The following RIMS2 variants were observed in gnomAD, a reference collection of about 807,000 sequenced individuals.
The protein encoded by RIMS2 is regulating synaptic membrane exocytosis 2, also known as regulating synaptic membrane exocytosis protein 2.
Under a neutral mutation model 174.4 loss-of-function variants are expected in RIMS2, and 59 were observed. The ratio of observed to expected loss-of-function variants is 0.34; its 90% CI spans 0.27 to 0.42. The LOEUF (loss-of-function observed/expected upper bound fraction) is 0.42, where lower values mean the gene tolerates loss of function less well. Ranked by LOEUF, RIMS2 falls within the 10% of genes least tolerant of loss-of-function variation. The pLI, the probability that RIMS2 is intolerant of heterozygous loss-of-function variation, is 1.00. For missense variants in RIMS2, 1,620 were observed against 1,666.3 expected (o/e 0.97, Z 0.48); for synonymous variants, 606 against 572.5 (o/e 1.06, Z -0.84).
intron 19 of RIMS2, among the ~76,000 whole-genome samples, chr8:104,120,939 A>T (rs1013839793): frequency 3.9e-5 from 6 of 152,112 alleles, no homozygotes; most frequent in African/African-American, 1.4e-4. Flanking sequence ...CCTTGGCAGT[A>T]TTTTACAAGA....
exon 1 of RIMS2, chr8:103,500,886 C>G: frequency 6.3e-7 from 1 of 1,590,226 alleles, no homozygotes; most frequent in Non-Finnish European, 8.5e-7. Context: ...CTCCACCAAA[C>G]ATGTCGGCTC....
intron 4 of RIMS2, among the ~76,000 whole-genome samples, chr8:103,907,725 T>TTTTTA (rs1404846162): frequency 1.3e-5 from 2 of 151,798 alleles, no homozygotes; most frequent in African/African-American, 4.8e-5. Context: ...TTTTTTGTTT[T>TTTTTA]TTTTATTTTA....
At chr8:103,554,207 A>T (rs1013231984) in intron 1 of RIMS2, among the ~76,000 whole-genome samples, 19 of 152,156 alleles carry the variant, frequency 1.2e-4, no homozygotes, top group Non-Finnish European at 5.9e-5. Context: ...ATGGAATCTA[A>T]AGTACTTCTG....
At chr8:103,895,911 C>T (rs986424760) in intron 4 of RIMS2, among the ~76,000 whole-genome samples, 2 of 151,506 alleles carry the variant, frequency 1.3e-5, no homozygotes, top group African/African-American at 4.9e-5. Flanking sequence ...AGAAGTTGTG[C>T]TCAAATATCT....
chr8:103,891,121 C>T (rs2099242507), intron 4 of RIMS2, among the ~76,000 whole-genome samples: 1 of 152,040 alleles, frequency 6.6e-6, no homozygotes, highest in African/African-American at 2.4e-5. Context: ...CTCCTCCCCA[C>T]TTCACTTTCA....
chr8:104,104,305 T>G (rs935287569), intron 19 of RIMS2, among the ~76,000 whole-genome samples: 2 of 152,168 alleles, frequency 1.3e-5, no homozygotes, highest in South Asian at 2.1e-4. Context: ...ACAAACAGTT[T>G]CAAGAGACAC....
At chr8:104,223,174 A>C (rs2099163487) in intron 19 of RIMS2, among the ~76,000 whole-genome samples, 2 of 152,184 alleles carry the variant, frequency 1.3e-5, no homozygotes, top group Admixed American at 6.5e-5. Flanking sequence ...GGAAGAGGAA[A>C]CAGCAGGAGC....
chr8:103,506,181 G>T (rs1823513776), intron 1 of RIMS2, among the ~76,000 whole-genome samples: 1 of 151,898 alleles, frequency 6.6e-6, no homozygotes, highest in African/African-American at 2.4e-5. Flanking sequence ...CTAAAAAATT[G>T]ATTGACATTT....
intron 14 of RIMS2, among the ~76,000 whole-genome samples, chr8:103,947,172 A>G (rs2084004173): frequency 6.6e-6 from 1 of 152,228 alleles, no homozygotes; most frequent in African/African-American, 2.4e-5. Flanking sequence ...TAGGAGAAAA[A>G]TCTTCATTCC....
At chr8:103,675,873 T>C (rs2096803114) in intron 1 of RIMS2, among the ~76,000 whole-genome samples, 1 of 152,200 alleles carries the variant, frequency 6.6e-6, no homozygotes. Flanking sequence ...TTTTCTTTTC[T>C]CTATTTACTC....
intron 1 of RIMS2, among the ~76,000 whole-genome samples, chr8:103,688,033 G>A (rs1481834590): frequency 1.3e-5 from 2 of 152,084 alleles, no homozygotes; most frequent in East Asian, 1.9e-4. Context: ...ATAAGATCAT[G>A]TTGTCCACAA....
At chr8:103,563,748 C>A (rs1218818255) in intron 1 of RIMS2, among the ~76,000 whole-genome samples, 2 of 152,050 alleles carry the variant, frequency 1.3e-5, no homozygotes, top group African/African-American at 4.8e-5. Flanking sequence ...CAAGACTAGG[C>A]AATATACAAA....
chr8:104,184,231 T>C (rs1382535434), intron 19 of RIMS2, among the ~76,000 whole-genome samples: 1 of 151,640 alleles, frequency 6.6e-6, no homozygotes, highest in African/African-American at 2.4e-5. Context: ...ATGTAAGACA[T>C]AGTATTTCTG....
intron 12 of RIMS2, among the ~76,000 whole-genome samples, chr8:103,932,972 C>T (rs1179946737): frequency 1.3e-5 from 2 of 151,096 alleles, no homozygotes; most frequent in Non-Finnish European, 2.9e-5. Flanking sequence ...GTCTGGCCAA[C>T]ATGGTGAAAC....
intron 23 of RIMS2, 112 bp downstream of exon 29, chr8:104,251,275 C>G: frequency 1.0e-6 from 1 of 978,800 alleles, no homozygotes; most frequent in Non-Finnish European, 1.5e-6. Flanking sequence ...AAAGGAAATT[C>G]TTTGGAAACT....
chr8:103,818,058 AC>A lies in RIMS2; in HGVS notation c.698+51524del, dbSNP rs2098728994. Among the ~76,000 whole-genome samples the A allele has an allele frequency of 5.3e-5, 8 of 152,006 alleles. No homozygotes were observed. The South Asian group carries it at 1.7e-3, about 32-fold the overall frequency. On this transcript the variant is annotated intron_variant, in intron 3 of 23. Transcript: ENST00000504942. ...TGGGGGCACTCTTAGTTGAGAAGAA[AC>A]CCATAATTGAACATCTTATTTTAAA...
chr8:103,624,485 A>G (rs549554557), intron 1 of RIMS2, among the ~76,000 whole-genome samples: 2 of 152,318 alleles, frequency 1.3e-5, no homozygotes, highest in South Asian at 4.1e-4. Flanking sequence ...CTTAGCCTCC[A>G]TAATCATGTG....
chr8:103,742,414 T>C (rs1006430757), intron 2 of RIMS2, among the ~76,000 whole-genome samples: 7 of 152,110 alleles, frequency 4.6e-5, no homozygotes, highest in African/African-American at 1.7e-4. Context: ...GTAAGTAATA[T>C]CTTCTACCAT....
intron 3 of RIMS2, among the ~76,000 whole-genome samples, chr8:103,816,561 G>T (rs1467548844): frequency 6.6e-6 from 1 of 152,160 alleles, no homozygotes; most frequent in Non-Finnish European, 1.5e-5. Flanking sequence ...TAATGAGAAT[G>T]TATAATAGGG....
Sources: allele counts gnomAD v4.1 joint callset (sites outside exome capture counted in the v4.1 genomes callset), GRCh38; gene constraint gnomAD v4.1.1; transcripts MANE v1.5; gene names NCBI Gene and HGNC (gene_info 2026-07-23, HGNC 2026-07-21).